The following SLC14A2 variants were observed in gnomAD, a reference collection of about 807,000 sequenced individuals.
SLC14A2 encodes the protein solute carrier family 14 member 2.
Under a neutral mutation model 104.6 loss-of-function variants are expected in SLC14A2, and 91 were observed. That is an observed-to-expected ratio of 0.87 (90% CI 0.73 to 1.04). SLC14A2 has a LOEUF of 1.04. Ranked by LOEUF, SLC14A2 falls within the 50% of genes least tolerant of loss-of-function variation. SLC14A2 has a pLI of 0.00. For synonymous variants in SLC14A2, 476 were observed against 466.4 expected, an observed-to-expected ratio of 1.02 and a Z score of -0.27; for missense variants, 1,189 against 1,156.0, an observed-to-expected ratio of 1.03 and a Z score of -0.41.
intron 2 of SLC14A2, among the ~76,000 whole-genome samples, chr18:45,483,767 C>A (rs2087541632): frequency 6.6e-6 from 1 of 152,140 alleles, no homozygotes; most frequent in East Asian, 1.9e-4. Context: ...GGAATGATTT[C>A]CTAGCAATAT....
chr18:45,453,065 C>T (rs1291659963), intron 1 of SLC14A2, among the ~76,000 whole-genome samples: 1 of 152,146 alleles, frequency 6.6e-6, no homozygotes, highest in African/African-American at 2.4e-5. Context: ...ACTGGTGCAA[C>T]CAGGAATGTC....
chr18:45,659,115 T>C (rs1273616532), intron 10 of SLC14A2, among the ~76,000 whole-genome samples: 1 of 152,118 alleles, frequency 6.6e-6, no homozygotes, highest in African/African-American at 2.4e-5. Flanking sequence ...GCCGAGGAGT[T>C]ACTCAGCTGC....
intron 2 of SLC14A2, among the ~76,000 whole-genome samples, chr18:45,549,373 A>G (rs1356137118): frequency 6.6e-6 from 1 of 152,252 alleles, no homozygotes; most frequent in Non-Finnish European, 1.5e-5. Context: ...CAAGCTGTAG[A>G]AAGCATTTGG....
At chr18:45,539,885 T>A in intron 2 of SLC14A2, among the ~76,000 whole-genome samples, 1 of 130,490 alleles carries the variant, frequency 7.7e-6, no homozygotes. Flanking sequence ...AGAAAAAAAA[T>A]GAAAAGAGTA....
At chr18:45,423,227 C>A (rs1350979363) in intron 1 of SLC14A2, among the ~76,000 whole-genome samples, 1 of 152,206 alleles carries the variant, frequency 6.6e-6, no homozygotes, top group Non-Finnish European at 1.5e-5. Context: ...CCGAACTTCC[C>A]ACAATCCCAT....
intron 1 of SLC14A2, among the ~76,000 whole-genome samples, chr18:45,617,140 C>A (rs2045086044): frequency 6.6e-6 from 1 of 152,112 alleles, no homozygotes; most frequent in African/African-American, 2.4e-5. Context: ...TGACGATCTC[C>A]TATGAGATTC....
At chr18:45,282,469 C>T (rs1452516259) in intron 1 of SLC14A2, among the ~76,000 whole-genome samples, 1 of 152,202 alleles carries the variant, frequency 6.6e-6, no homozygotes, top group East Asian at 1.9e-4. Context: ...TTGCCCCCTA[C>T]TTTTGAAACT....
intron 1 of SLC14A2, among the ~76,000 whole-genome samples, chr18:45,222,733 A>AT (rs2084075409): frequency 6.6e-6 from 1 of 152,202 alleles, no homozygotes; most frequent in Admixed American, 6.5e-5. Flanking sequence ...CACACTATCT[A>AT]TTTTAAATAT....
chr18:45,375,199 CCTT>C (rs1215789797), intron 1 of SLC14A2, among the ~76,000 whole-genome samples: 2 of 152,190 alleles, frequency 1.3e-5, no homozygotes, highest in African/African-American at 4.8e-5. Context: ...AAATAAACCT[CCTT>C]CTTGCCTGGG....
At chr18:45,587,982 A>G (rs1233269516) in intron 2 of SLC14A2, among the ~76,000 whole-genome samples, 1 of 150,766 alleles carries the variant, frequency 6.6e-6, no homozygotes, top group Non-Finnish European at 1.5e-5. Flanking sequence ...GGTTTGGACC[A>G]TATGTTGCAG....
At chr18:45,527,599 G>T (rs902389059) in intron 2 of SLC14A2, among the ~76,000 whole-genome samples, 1 of 152,132 alleles carries the variant, frequency 6.6e-6, no homozygotes, top group Admixed American at 6.6e-5. Context: ...TCATGATATG[G>T]GAAGGATGTG....
At chr18:45,554,111 C>T (rs557550572) in intron 2 of SLC14A2, among the ~76,000 whole-genome samples, 6 of 152,318 alleles carry the variant, frequency 3.9e-5, no homozygotes, top group South Asian at 2.1e-4. Flanking sequence ...GCATGAAGGC[C>T]GAAGCTTGCG....
At chr18:45,253,240 C>T (rs574809277) in intron 1 of SLC14A2, among the ~76,000 whole-genome samples, 1 of 152,124 alleles carries the variant, frequency 6.6e-6, no homozygotes, top group Non-Finnish European at 1.5e-5. Flanking sequence ...GAGGGTAACA[C>T]TTTGAGAACA....
chr18:45,363,580 C>T (rs1177654424), intron 1 of SLC14A2, among the ~76,000 whole-genome samples: 2 of 152,098 alleles, frequency 1.3e-5, no homozygotes, highest in African/African-American at 4.8e-5. Context: ...AGCTCAGACT[C>T]ATTGAAATGT....
chr18:45,265,283 C>T lies in SLC14A2; in HGVS notation c.-125+52092C>T, dbSNP rs140838915. On this transcript the variant is annotated intron_variant, in intron 1 of 20. Transcript: ENST00000586448. ...TTTTTCCTAACTAGCTCCAAAGAGCCAAACCAAGACCAACGGGCAGAATTT... is the reference window on the plus strand; with the variant it reads ...TTTTTCCTAACTAGCTCCAAAGAGCTAAACCAAGACCAACGGGCAGAATTT... 6.2e-4 allele frequency among the ~76,000 whole-genome samples: 94 copies of T among 152,184 alleles called. 1 individual carries two copies. The East Asian group carries it at 0.015, about 25-fold the overall frequency.
chr18:45,274,449 T>A (rs1264512427), intron 1 of SLC14A2, among the ~76,000 whole-genome samples: 1 of 152,178 alleles, frequency 6.6e-6, no homozygotes, highest in Non-Finnish European at 1.5e-5. Flanking sequence ...CAGCTATAGA[T>A]CTTTTTTTAA....
chr18:45,675,864 C>G (rs8090887), intron 18 of SLC14A2, among the ~76,000 whole-genome samples: 1 of 151,666 alleles, frequency 6.6e-6, no homozygotes, highest in Non-Finnish European at 1.5e-5. Context: ...ACCTGGAACA[C>G]GTAGTCAAGC....
intron 1 of SLC14A2, among the ~76,000 whole-genome samples, chr18:45,464,265 C>G (rs532552403): frequency 6.6e-6 from 1 of 152,238 alleles, no homozygotes; most frequent in Non-Finnish European, 1.5e-5. Context: ...TTCTCTGGAC[C>G]TCAAATTTCC....
chr18:45,348,671 T>TA (rs1196962904), intron 1 of SLC14A2, among the ~76,000 whole-genome samples: 6 of 152,250 alleles, frequency 3.9e-5, no homozygotes, highest in African/African-American at 1.2e-4. Flanking sequence ...TATAATTCTG[T>TA]ACGTGCCATA....
Sources: gnomAD v4.1 joint callset for allele counts (sites outside exome capture counted in the v4.1 genomes callset) on GRCh38, gnomAD v4.1.1 for gene constraint, MANE v1.5 for transcripts, NCBI Gene and HGNC (gene_info 2026-07-23, HGNC 2026-07-21) for gene names.